The following DDX10 variants were observed in gnomAD, a reference collection of about 807,000 sequenced individuals.
DDX10 encodes the protein DEAD-box helicase 10, also known as probable ATP-dependent RNA helicase DDX10.
A neutral mutation model predicts 104.3 loss-of-function variants in DDX10; 74 were observed. The ratio of observed to expected loss-of-function variants is 0.71; its 90% confidence interval spans 0.59 to 0.86. The LOEUF (loss-of-function observed/expected upper bound fraction) is 0.86. DDX10 is among the 40% of genes least tolerant of loss of function. The pLI is 0.00. For missense variants in DDX10, 952 were observed against 1,040.0 expected, an observed-to-expected ratio of 0.92 and a Z score of 1.16; for synonymous variants, 351 against 353.4, an observed-to-expected ratio of 0.99 and a Z score of 0.08.
intron 16 of DDX10, among the ~76,000 whole-genome samples, chr11:108,913,387 G>A (rs752624445): frequency 7.9e-5 from 12 of 152,106 alleles, no homozygotes; most frequent in Non-Finnish European, 1.2e-4. Context: ...CATGTGAGGC[G>A]GAGGTAGAGG....
At chr11:108,707,554 A>G (rs774152220) in intron 10 of DDX10, among the ~76,000 whole-genome samples, 1 of 152,132 alleles carries the variant, frequency 6.6e-6, no homozygotes, top group Non-Finnish European at 1.5e-5. Context: ...CCTTGTTTAT[A>G]TAACCAGCTA....
intron 13 of DDX10, among the ~76,000 whole-genome samples, chr11:108,830,234 C>T (rs1310758665): frequency 6.6e-6 from 1 of 152,158 alleles, no homozygotes; most frequent in Non-Finnish European, 1.5e-5. Flanking sequence ...TGATTTCTTT[C>T]AGCAGCAGTG....
Position 108,940,253 on chromosome 11 carries a change from A to G in DDX10, c.2458A>G (p.Lys820Glu). Residue 820 changes from lysine to glutamate, a missense_variant, in exon 18 of 18, where the codon AAG (lysine) becomes GAG (glutamate). By Grantham distance (56) the Lys-to-Glu change is moderately conservative (BLOSUM62 1). Coordinates refer to ENST00000322536, the MANE Select transcript of DDX10 (RefSeq NM_004398.4). ...TGGATTTCTTCTCACCAGTGATACC[A>G]AGAAGAAGCAGGGGATGAAGAAGAG... ...EDMENKISDT[K>E]KKQGMKKRSN... 1 of 1,613,818 alleles carries G rather than the reference A, an allele frequency of 6.2e-7. No homozygotes were observed. Among genetic ancestry groups the G allele is most frequent in the Non-Finnish European group, 8.5e-7 (1 of 1,179,900 alleles).
chr11:108,929,008 A>G (rs1863942878), intron 17 of DDX10, among the ~76,000 whole-genome samples: 1 of 152,258 alleles, frequency 6.6e-6, no homozygotes. Flanking sequence ...AATGTCATGT[A>G]ACATAGCCTA....
At chr11:108,860,482 C>T (rs991899236) in intron 16 of DDX10, 1 of 151,950 alleles carries the variant, frequency 6.6e-6, no homozygotes, top group Non-Finnish European at 1.5e-5. Context: ...AAATTGAAGA[C>T]AGTCAGTCGT....
Position 108,679,084 on chromosome 11 carries a change from C to T in DDX10, c.659-287C>T, listed in dbSNP as rs544482006. Among the ~76,000 whole-genome samples, 170 of 152,058 alleles carry T rather than the reference C, an allele frequency of 1.1e-3. 2 individuals are homozygous for T. Among genetic ancestry groups the T allele is most frequent in the African/African-American group, 4.0e-3 (165 of 41,492 alleles). On this transcript the variant is annotated intron_variant, in intron 5 of 17. Coordinates refer to ENST00000322536, the MANE Select transcript of DDX10 (RefSeq NM_004398.4). ...ATGTTGGCCAGGATGGTCTTGACCT[C>T]TTGACCTTGTGATCTGCCCACCTTG...
rs140363067 is a variant in DDX10, at chr11:108,896,766, C to A, written c.2305-21107C>A. On this transcript the variant is annotated intron_variant, in intron 16 of 17. Transcript: ENST00000322536. The stretch of plus-strand genomic sequence containing the variant: ...AAAGGTAATTTTTATTGAGTGCCTT[C>A]CTTGTACTGAATGCTTGGTACACAT... Among the ~76,000 whole-genome samples, 328 of 152,200 alleles carry A rather than the reference C, an allele frequency of 2.2e-3. 2 individuals are homozygous for A. Among genetic ancestry groups the A allele is most frequent in the African/African-American group, 7.5e-3 (311 of 41,532 alleles).
chr11:108,777,702 G>C (rs904410566), intron 13 of DDX10, among the ~76,000 whole-genome samples: 2 of 152,112 alleles, frequency 1.3e-5, no homozygotes, highest in Non-Finnish European at 2.9e-5. Flanking sequence ...AGGGCAATCA[G>C]GCAAGAGAAA....
chr11:108,689,446 A>C (rs2094249052), intron 7 of DDX10, among the ~76,000 whole-genome samples: 1 of 152,182 alleles, frequency 6.6e-6, no homozygotes, highest in Non-Finnish European at 1.5e-5. Flanking sequence ...ATCTGTCTGG[A>C]ATGCCCTCCC....
chr11:108,849,561 T>A (rs569955115), intron 15 of DDX10, among the ~76,000 whole-genome samples: 1 of 152,152 alleles, frequency 6.6e-6, no homozygotes, highest in African/African-American at 2.4e-5. Context: ...TAGTATTTTA[T>A]ACCTTGAAAT....
chr11:108,913,970 C>T (rs190093944), intron 16 of DDX10, among the ~76,000 whole-genome samples: 7 of 152,060 alleles, frequency 4.6e-5, no homozygotes, highest in Non-Finnish European at 8.8e-5. Flanking sequence ...ACTGTAATGC[C>T]GCACAGACAA....
chr11:108,689,777 T>C (rs2094249572), intron 7 of DDX10, among the ~76,000 whole-genome samples: 1 of 152,198 alleles, frequency 6.6e-6, no homozygotes, highest in African/African-American at 2.4e-5. Flanking sequence ...AATGACTTAA[T>C]AGGGAATGTA....
At chr11:108,673,755 T>C (rs1294154189) in intron 2 of DDX10, among the ~76,000 whole-genome samples, 4 of 152,212 alleles carry the variant, frequency 2.6e-5, no homozygotes, top group African/African-American at 9.6e-5. Flanking sequence ...TAAAATGAAA[T>C]CTAATTTTGT....
intron 14 of DDX10, among the ~76,000 whole-genome samples, chr11:108,840,484 C>A (rs1333867282): frequency 6.6e-6 from 1 of 152,112 alleles, no homozygotes; most frequent in Non-Finnish European, 1.5e-5. Context: ...ATTACTGAGT[C>A]AAATAAACCT....
chr11:108,777,765 C>T (rs186553356), intron 13 of DDX10, among the ~76,000 whole-genome samples: 20 of 152,300 alleles, frequency 1.3e-4, no homozygotes, highest in African/African-American at 4.1e-4. Context: ...TCCCTGTTTG[C>T]GGATGACATG....
chr11:108,741,554 T>A (rs899980873), intron 13 of DDX10, among the ~76,000 whole-genome samples: 1 of 152,118 alleles, frequency 6.6e-6, no homozygotes, highest in Non-Finnish European at 1.5e-5. Context: ...GTATTTTATT[T>A]TTGTGGTTGT....
chr11:108,799,245 CA>C lies in DDX10; in HGVS notation c.1966-39197del, dbSNP rs1861985866. Among the ~76,000 whole-genome samples, 3 of 152,138 alleles carry C rather than the reference CA, an allele frequency of 2.0e-5. No homozygotes were observed. The South Asian group carries it at 6.2e-4, about 31-fold the overall frequency. On this transcript the variant is annotated intron_variant, in intron 13 of 17. Transcript: ENST00000322536. ...CCTTAGCATGCTTTATGATCTGATT[CA>C]AAACTAAATTTCTTATTCTCCCTTT...
At chr11:108,921,102 C>T (rs1170879806) in intron 17 of DDX10, 1 of 152,152 alleles carries the variant, frequency 6.6e-6, no homozygotes, top group Non-Finnish European at 1.5e-5. Flanking sequence ...ATTTGCCATT[C>T]CTGGACTAGC....
intron 1 of DDX10, among the ~76,000 whole-genome samples, chr11:108,671,798 G>T (rs1036737404): frequency 6.6e-6 from 1 of 152,002 alleles, no homozygotes; most frequent in Admixed American, 6.6e-5. Context: ...AGAATATGGC[G>T]CCTGTAATCC....
Sources: allele counts gnomAD v4.1 joint callset (sites outside exome capture counted in the v4.1 genomes callset), GRCh38; gene constraint gnomAD v4.1.1; transcripts MANE v1.5; gene names NCBI Gene and HGNC (gene_info 2026-07-23, HGNC 2026-07-21).